The following PTPRQ variants were observed in gnomAD, a reference collection of about 807,000 sequenced individuals.
The protein encoded by PTPRQ is phosphatidylinositol phosphatase PTPRQ.
A neutral mutation model predicts 246.0 loss-of-function variants in PTPRQ; 199 were observed. The observed-to-expected ratio is 0.81, with a 90% confidence interval of 0.72 to 0.91. The LOEUF (loss-of-function observed/expected upper bound fraction) is 0.91, where lower values mean the gene tolerates loss of function less well. Among genes scored for constraint, PTPRQ ranks in the 40% least tolerant of loss-of-function variants. The pLI is 0.00. For synonymous variants in PTPRQ, 869 were observed against 853.2 expected (o/e 1.02, Z -0.32); for missense variants, 2,624 against 2,528.4 (o/e 1.04, Z -0.81).
At chr12:80,656,856 T>C (rs1288987445) in intron 38 of PTPRQ, among the ~76,000 whole-genome samples, 5 of 140,326 alleles carry the variant, frequency 3.6e-5, no homozygotes, top group Admixed American at 2.8e-4. Context: ...CAATAAAAGA[T>C]ATATTTATAC....
At chr12:80,448,460 G>T (rs1014283375) in intron 3 of PTPRQ, among the ~76,000 whole-genome samples, 1 of 152,034 alleles carries the variant, frequency 6.6e-6, no homozygotes, top group Non-Finnish European at 1.5e-5. Flanking sequence ...GGACATGCTG[G>T]TGTGCTGCAC....
intron 28 of PTPRQ, 40 bp from the exon 29 acceptor site, chr12:80,613,552 C>T: frequency 1.4e-6 from 2 of 1,444,554 alleles, no homozygotes; most frequent in Non-Finnish European, 1.8e-6. Flanking sequence ...AAAAGGAATA[C>T]AATATTTTTA....
intron 17 of PTPRQ, among the ~76,000 whole-genome samples, chr12:80,524,931 T>C (rs1895636631): frequency 6.6e-6 from 1 of 152,142 alleles, no homozygotes; most frequent in Non-Finnish European, 1.5e-5. Context: ...AACAGCGCAT[T>C]TATAGGATTA....
chr12:80,557,125 A>T (rs1470732798), intron 25 of PTPRQ, among the ~76,000 whole-genome samples: 1 of 152,172 alleles, frequency 6.6e-6, no homozygotes, highest in Non-Finnish European at 1.5e-5. Context: ...TTACATATTT[A>T]CTGAGCCTCC....
At chr12:80,623,414 T>C (rs1045830207) in intron 33 of PTPRQ, among the ~76,000 whole-genome samples, 46 of 152,176 alleles carry the variant, frequency 3.0e-4, no homozygotes, top group African/African-American at 1.1e-3. Flanking sequence ...ACCCAATAAT[T>C]TCATCATTTT....
intron 3 of PTPRQ, among the ~76,000 whole-genome samples, chr12:80,450,315 A>G (rs1365296725): frequency 1.3e-5 from 2 of 152,176 alleles, no homozygotes; most frequent in African/African-American, 4.8e-5. Context: ...CAATCATGTC[A>G]TCTTCAAACA....
At chr12:80,511,273 T>C (rs1163125185) in intron 17 of PTPRQ, among the ~76,000 whole-genome samples, 1 of 152,150 alleles carries the variant, frequency 6.6e-6, no homozygotes, top group Non-Finnish European at 1.5e-5. Flanking sequence ...TTAACCCCTT[T>C]ACATATTTCT....
chr12:80,619,925 A>T (rs1380913727), intron 31 of PTPRQ, among the ~76,000 whole-genome samples: 1 of 151,496 alleles, frequency 6.6e-6, no homozygotes. Context: ...TGATTGAGGG[A>T]TGCTCTTTCT....
intron 17 of PTPRQ, among the ~76,000 whole-genome samples, chr12:80,513,591 C>T (rs1895189150): frequency 6.6e-6 from 1 of 152,092 alleles, no homozygotes; most frequent in South Asian, 2.1e-4. Context: ...AATGCCTGTC[C>T]TCATCTAGGT....
At chr12:80,658,816 G>C (rs1900533556) in intron 39 of PTPRQ, among the ~76,000 whole-genome samples, 1 of 151,784 alleles carries the variant, frequency 6.6e-6, no homozygotes, top group Admixed American at 6.6e-5. Flanking sequence ...GATTTCCTCT[G>C]CTGCCCACAC....
chr12:80,579,201 T>C (rs1242756498), intron 25 of PTPRQ, among the ~76,000 whole-genome samples: 1 of 152,028 alleles, frequency 6.6e-6, no homozygotes. Flanking sequence ...GCTCAGACTT[T>C]TAAGTTTATA....
chr12:80,484,714 A>C, intron 9 of PTPRQ, 109 bp downstream of exon 9: 1 of 1,323,142 alleles, frequency 7.6e-7, no homozygotes, highest in Non-Finnish European at 1.0e-6. Context: ...ACCACTTACT[A>C]GTACAAAGTA....
At chr12:80,641,251 C>T (rs544697847) in intron 35 of PTPRQ, among the ~76,000 whole-genome samples, 2 of 152,250 alleles carry the variant, frequency 1.3e-5, no homozygotes, top group South Asian at 4.1e-4. Flanking sequence ...AGCAGAATAT[C>T]AGCACTAGCA....
intron 14 of PTPRQ, among the ~76,000 whole-genome samples, chr12:80,497,455 C>T (rs554983351): frequency 6.6e-6 from 1 of 152,016 alleles, no homozygotes; most frequent in African/African-American, 2.4e-5. Flanking sequence ...GCTGTAAATA[C>T]AGAAGCTTTA....
intron 22 of PTPRQ, 26 bp from the exon 23 acceptor site, chr12:80,542,704 A>G: frequency 1.3e-6 from 2 of 1,523,244 alleles, no homozygotes; most frequent in Non-Finnish European, 8.8e-7. Flanking sequence ...TTATGAATGT[A>G]AGTTTCTTCA....
chr12:80,536,163 C>A (rs1008167908), intron 19 of PTPRQ, among the ~76,000 whole-genome samples: 1 of 152,090 alleles, frequency 6.6e-6, no homozygotes, highest in Admixed American at 6.5e-5. Flanking sequence ...AGAATACATC[C>A]CTTAGTGGTA....
At chr12:80,620,437 A>T (rs1898937887) in intron 32 of PTPRQ, 61 bp downstream of exon 32, 6 of 1,536,700 alleles carry the variant, frequency 3.9e-6, no homozygotes. Context: ...TCTTTCATCC[A>T]TCCATCTGCC....
intron 34 of PTPRQ, among the ~76,000 whole-genome samples, chr12:80,632,613 A>G (rs1251941544): frequency 2.6e-5 from 4 of 152,208 alleles, no homozygotes; most frequent in African/African-American, 9.6e-5. Context: ...AGTAGCAAGC[A>G]AAACAAAGCA....
chr12:80,637,948 G>T (rs1234867872), intron 35 of PTPRQ, among the ~76,000 whole-genome samples: 1 of 152,100 alleles, frequency 6.6e-6, no homozygotes, highest in Non-Finnish European at 1.5e-5. Context: ...CTGCAGGAAA[G>T]AACTTCCATA....
Sources: gnomAD v4.1 joint callset for allele counts (sites outside exome capture counted in the v4.1 genomes callset) on GRCh38, gnomAD v4.1.1 for gene constraint, MANE v1.5 for transcripts, NCBI Gene and HGNC (gene_info 2026-07-23, HGNC 2026-07-21) for gene names.